The following STARD3NL variants were observed in gnomAD, a reference collection of about 807,000 sequenced individuals.
STARD3NL encodes STARD3 N-terminal like.
A neutral mutation model predicts 30.9 loss-of-function variants in STARD3NL; 17 were observed. That is an observed-to-expected ratio of 0.55 (90% confidence interval 0.38 to 0.82). STARD3NL has a LOEUF of 0.82. Among genes scored for constraint, STARD3NL ranks in the 40% least tolerant of loss-of-function variants. The pLI is 0.00. For synonymous variants in STARD3NL, 112 were observed against 100.5 expected, an observed-to-expected ratio of 1.11 and a Z score of -0.69; for missense variants, 234 against 277.6, an observed-to-expected ratio of 0.84 and a Z score of 1.12.
chr7:38,212,749 G>A (rs1785880515), intron 2 of STARD3NL, among the ~76,000 whole-genome samples: 1 of 152,162 alleles, frequency 6.6e-6, no homozygotes, highest in Admixed American at 6.5e-5. Context: ...ACTAAAGGAA[G>A]GAGTATGAGA....
chr7:38,195,547 C>A (rs1240991766), intron 1 of STARD3NL, among the ~76,000 whole-genome samples: 2 of 152,148 alleles, frequency 1.3e-5, no homozygotes, highest in Non-Finnish European at 2.9e-5. Flanking sequence ...ACTTGCAAGT[C>A]AGAATAAACA....
chr7:38,189,886 G>T (rs2115993171), intron 1 of STARD3NL, among the ~76,000 whole-genome samples: 1 of 152,232 alleles, frequency 6.6e-6, no homozygotes, highest in African/African-American at 2.4e-5. Context: ...AAAGGTACGT[G>T]TACAAAATTC....
chr7:38,188,400 G>T (rs980217664), intron 1 of STARD3NL, among the ~76,000 whole-genome samples: 1 of 152,030 alleles, frequency 6.6e-6, no homozygotes, highest in Admixed American at 6.5e-5. Flanking sequence ...TCTCCTAGTC[G>T]TTGCTCAGAT....
chr7:38,204,837 A>G (rs1466750210), intron 1 of STARD3NL, among the ~76,000 whole-genome samples: 6 of 152,066 alleles, frequency 3.9e-5, no homozygotes, highest in Non-Finnish European at 1.5e-5. Context: ...ACAAACTACC[A>G]TCAGAGAATA....
At chr7:38,181,738 T>C (rs1431015144) in intron 1 of STARD3NL, among the ~76,000 whole-genome samples, 2 of 152,214 alleles carry the variant, frequency 1.3e-5, no homozygotes, top group Non-Finnish European at 2.9e-5. Context: ...CTATCTCTAT[T>C]CTTTAAGATC....
At chr7:38,227,062 T>A (rs1163818843) in intron 7 of STARD3NL, among the ~76,000 whole-genome samples, 1 of 152,250 alleles carries the variant, frequency 6.6e-6, no homozygotes, top group African/African-American at 2.4e-5. Context: ...TTTGCCACAT[T>A]TTGGGGGTGC....
At chr7:38,218,885 A>G (rs62443339) in intron 6 of STARD3NL, among the ~76,000 whole-genome samples, 11,693 of 152,102 alleles carry the variant, frequency 0.077, 587 homozygotes, top group Non-Finnish European at 0.11. Context: ...TTCTTTATAT[A>G]TTTATAAAAG....
intron 3 of STARD3NL, 124 bp downstream of exon 3, chr7:38,214,558 TTC>T (rs1343945113): frequency 5.4e-6 from 3 of 554,614 alleles, no homozygotes; most frequent in Non-Finnish European, 6.2e-6. Context: ...TATTTTCCTT[TTC>T]TTTTAATTCC....
At chr7:38,182,797 T>A (rs1217686882) in intron 1 of STARD3NL, among the ~76,000 whole-genome samples, 1 of 152,206 alleles carries the variant, frequency 6.6e-6, no homozygotes, top group Non-Finnish European at 1.5e-5. Flanking sequence ...CTCTTTAGTT[T>A]AAAACCCTTC....
At chr7:38,208,082 G>A (rs1316916475) in intron 2 of STARD3NL, among the ~76,000 whole-genome samples, 1 of 152,138 alleles carries the variant, frequency 6.6e-6, no homozygotes, top group Non-Finnish European at 1.5e-5. Flanking sequence ...TATTGTTTAT[G>A]GCTGGCTTTT....
At chr7:38,189,797 G>T (rs914330116) in intron 1 of STARD3NL, among the ~76,000 whole-genome samples, 1 of 152,110 alleles carries the variant, frequency 6.6e-6, no homozygotes, top group African/African-American at 2.4e-5. Flanking sequence ...GAATGATTTG[G>T]GTATCTGGAA....
chr7:38,199,086 G>T (rs979591318), intron 1 of STARD3NL, among the ~76,000 whole-genome samples: 1 of 152,088 alleles, frequency 6.6e-6, no homozygotes, highest in Admixed American at 6.6e-5. Flanking sequence ...CAACCAAAGG[G>T]GATTCTCATC....
chr7:38,181,340 G>A (rs1483522287), intron 1 of STARD3NL, among the ~76,000 whole-genome samples: 1 of 152,142 alleles, frequency 6.6e-6, no homozygotes, highest in African/African-American at 2.4e-5. Flanking sequence ...TATTGAGGAA[G>A]CCCTTAGGTC....
intron 7 of STARD3NL, among the ~76,000 whole-genome samples, chr7:38,225,462 G>A (rs1220434683): frequency 6.6e-6 from 1 of 152,016 alleles, no homozygotes; most frequent in African/African-American, 2.4e-5. Context: ...AGGTTTTTTA[G>A]TTTTACATGT....
chr7:38,219,791 A>G, intron 7 of STARD3NL, 131 bp downstream of exon 7: 1 of 686,542 alleles, frequency 1.5e-6, no homozygotes, highest in Non-Finnish European at 2.5e-6. Flanking sequence ...AGGGATATGA[A>G]AATAGGTGAG....
chr7:38,223,241 C>T (rs1302780259), intron 7 of STARD3NL, among the ~76,000 whole-genome samples: 8 of 152,104 alleles, frequency 5.3e-5, no homozygotes, highest in Admixed American at 2.6e-4. Context: ...AGGGATAGCA[C>T]GGTTTATTAG....
At chr7:38,218,131 G>C (rs986424040) in intron 6 of STARD3NL, among the ~76,000 whole-genome samples, 3 of 152,038 alleles carry the variant, frequency 2.0e-5, no homozygotes, top group Non-Finnish European at 2.9e-5. Flanking sequence ...AAGGTGAAAC[G>C]ATCAAAGCTC....
chr7:38,213,608 C>T (rs1460693846), intron 2 of STARD3NL, among the ~76,000 whole-genome samples: 1 of 152,112 alleles, frequency 6.6e-6, no homozygotes, highest in Non-Finnish European at 1.5e-5. Context: ...GGGGCTCTGA[C>T]AGTTACCCTG....
At chr7:38,222,141 T>TCACACACACACACACACA (rs3223376) in intron 7 of STARD3NL, among the ~76,000 whole-genome samples, 30 of 144,302 alleles carry the variant, frequency 2.1e-4, no homozygotes, top group African/African-American at 7.4e-4. Context: ...GTTAATATTT[T>TCACACACACACACACACA]CACACACACA....
Sources: allele counts gnomAD v4.1 joint callset (sites outside exome capture counted in the v4.1 genomes callset), GRCh38; gene constraint gnomAD v4.1.1; transcripts MANE v1.5; gene names NCBI Gene and HGNC (gene_info 2026-07-23, HGNC 2026-07-21).